LRRC56: variants seen among roughly 807,000 people sequenced by gnomAD.
LRRC56 encodes leucine-rich repeat-containing protein 56.
In LRRC56, 41 loss-of-function variants were observed where a neutral mutation model predicts 47.8. That is an observed-to-expected ratio of 0.86 (90% CI 0.67 to 1.11). The LOEUF (loss-of-function observed/expected upper bound fraction) is 1.11, where lower values mean the gene tolerates loss of function less well. Ranked by LOEUF, LRRC56 falls within the 50% of genes most tolerant of loss-of-function variation. LRRC56 has a pLI of 0.00. For missense variants in LRRC56, 759 were observed against 704.2 expected (o/e 1.08, Z -0.88); for synonymous variants, 387 against 311.2 (o/e 1.24, Z -2.56).
At position 554,013 on chromosome 11, in the gene LRRC56, C is replaced by A. The variant is rs780112322; in HGVS notation, c.1366C>A (p.Pro456Thr). ...QHLVPSPPKHPRPRDSGSSSP... is the reference protein window; with the variant it reads ...QHLVPSPPKHTRPRDSGSSSP... Reference sequence around the variant, plus strand: ...CCTGGTCCCTTCACCTCCCAAGCACCCAAGGCCACGAGATTCTGGCAGCAG... The same window carrying A: ...CCTGGTCCCTTCACCTCCCAAGCACACAAGGCCACGAGATTCTGGCAGCAG... Residue 456 changes from proline (P) to threonine (T), a missense_variant, in exon 14 of 14, where the codon CCA becomes ACA. Coordinates refer to ENST00000270115, the MANE Select transcript of LRRC56 (RefSeq NM_198075.4). The A allele has an allele frequency of 6.2e-7, 1 of 1,612,312 alleles. No homozygotes were observed. Among genetic ancestry groups the A allele is most frequent in the African/African-American group, 1.3e-5 (1 of 75,030 alleles).
chr11:514,947 C>G, the LRRC56 span, among the ~76,000 whole-genome samples: 3 of 152,212 alleles, frequency 2.0e-5, no homozygotes, highest in African/African-American at 7.2e-5. Flanking sequence ...GGCGGTGGAG[C>G]CCTTGGAACT....
intron 13 of LRRC56, 126 bp downstream of exon 13, chr11:552,828 G>A (rs1397427674): frequency 3.5e-6 from 3 of 846,680 alleles, no homozygotes; most frequent in East Asian, 5.5e-5. Flanking sequence ...GCTCTGAGAG[G>A]GACTGTAACA....
chr11:514,208 G>A, the LRRC56 span, among the ~76,000 whole-genome samples: 4 of 151,968 alleles, frequency 2.6e-5, no homozygotes, highest in East Asian at 5.8e-4. Context: ...TGGCCAGGCT[G>A]GTCTCGAACT....
upstream of LRRC56, chr11:533,666 C>G: frequency 6.2e-7 from 1 of 1,612,736 alleles, no homozygotes; most frequent in Non-Finnish European, 8.5e-7. Flanking sequence ...CAGCGGCATC[C>G]AGGACATGCG....
chr11:540,668 C>T lies in LRRC56; in HGVS notation c.-11-6C>T, dbSNP rs367887302. 4 of 1,610,586 alleles carry T rather than the reference C, an allele frequency of 2.5e-6. No individual in the cohort carries two copies. Among genetic ancestry groups the T allele is most frequent in the Non-Finnish European group, 3.4e-6 (4 of 1,178,922 alleles). The stretch of plus-strand genomic sequence containing the variant: ...GTGGAGCTTTGCACTGTGCCTCTGT[C>T]AGCAGGTGACATGTGAATGGATCTG... On this transcript the variant is annotated splice_polypyrimidine_tract_variant and splice_region_variant and intron_variant, in intron 3 of 13. Transcript: ENST00000270115.
rs1278799320 is a variant in LRRC56, at chr11:554,572, G to C, written c.*296G>C. ...GCACGGGGGTGGGGGGTGGTCACCCGAGCAGGCCTGTGAGAGGCCTCTCCT... is the reference window on the plus strand; with the variant it reads ...GCACGGGGGTGGGGGGTGGTCACCCCAGCAGGCCTGTGAGAGGCCTCTCCT... On this transcript the variant is annotated 3_prime_UTR_variant, in exon 14 of 14. Transcript: ENST00000270115. 7.2e-6 allele frequency: 3 copies of C among 419,160 alleles called. No individual in the cohort carries two copies. Among genetic ancestry groups the C allele is most frequent in the African/African-American group, 6.2e-5 (3 of 48,518 alleles). 26.0% of individuals were successfully genotyped at this position (419,160 alleles called of 1,614,324 possible).
Position 554,456 on chromosome 11 carries a change from C to T in LRRC56, c.*180C>T. The T allele has an allele frequency of 1.9e-6, 1 of 520,172 alleles. No individual in the cohort carries two copies. Among genetic ancestry groups the T allele is most frequent in the Non-Finnish European group, 3.1e-6 (1 of 321,366 alleles). 32.2% of individuals were successfully genotyped at this position (520,172 alleles called of 1,614,324 possible). ...GGACCAGCCAGGGAGGCAGCAGAGG[C>T]TGGAACCCAGTTTAGGCCCCCAACT... On this transcript the variant is annotated 3_prime_UTR_variant, in exon 14 of 14. Coordinates refer to ENST00000270115, the MANE Select transcript of LRRC56 (RefSeq NM_198075.4).
the LRRC56 span, among the ~76,000 whole-genome samples, chr11:518,441 A>G: frequency 5.3e-5 from 8 of 152,166 alleles, no homozygotes; most frequent in African/African-American, 1.7e-4. Context: ...TCGGCCTCGC[A>G]AAGTGCTTGG....
chr11:511,995 G>A, the LRRC56 span, among the ~76,000 whole-genome samples: 1 of 152,232 alleles, frequency 6.6e-6, no homozygotes, highest in Non-Finnish European at 1.5e-5. Context: ...CCAGTCAGGA[G>A]TGCAGTGGCG....
upstream of LRRC56, chr11:534,066 C>A (rs879038333): frequency 4.9e-6 from 6 of 1,215,980 alleles, no homozygotes; most frequent in Non-Finnish European, 7.2e-6. Context: ...GGTGCTGAGA[C>A]GAGGGACTCC....
At chr11:518,986 TTACGAG>T in the LRRC56 span, among the ~76,000 whole-genome samples, 4 of 151,644 alleles carry the variant, frequency 2.6e-5, no homozygotes, top group South Asian at 2.1e-4. Flanking sequence ...CGCGGCGCGC[TTACGAG>T]GGCGCGCGAG....
At chr11:528,147 A>G in the LRRC56 span, among the ~76,000 whole-genome samples, 2 of 152,140 alleles carry the variant, frequency 1.3e-5, no homozygotes, top group African/African-American at 4.8e-5. Flanking sequence ...GAAACTCTAC[A>G]TTTTTATCCA....
chr11:514,143 C>T, the LRRC56 span, among the ~76,000 whole-genome samples: 1 of 152,048 alleles, frequency 6.6e-6, no homozygotes, highest in Non-Finnish European at 1.5e-5. Context: ...AAGCACGCAC[C>T]ACCACACCCG....
chr11:542,709 C>T (rs1018924103), intron 5 of LRRC56, among the ~76,000 whole-genome samples: 1 of 151,248 alleles, frequency 6.6e-6, no homozygotes. Flanking sequence ...GGCCACTGTT[C>T]TTTTTCCTGA....
intron 5 of LRRC56, among the ~76,000 whole-genome samples, chr11:544,400 C>T (rs965942085): frequency 3.9e-5 from 6 of 152,222 alleles, no homozygotes; most frequent in African/African-American, 1.4e-4. Flanking sequence ...TGTGTGGACA[C>T]CCCTCCATGC....
At chr11:551,108 T>G in intron 8 of LRRC56, 23 bp from the exon 9 acceptor site, 151 of 555,870 alleles carry the variant, frequency 2.7e-4, no homozygotes, top group Middle Eastern at 4.9e-4. Flanking sequence ...CTGCCCTCCC[T>G]CCCCCTCCCC....
rs1353827289 is a variant in LRRC56, at chr11:550,163, T to TGGA, written c.519_521dup (p.Glu173dup). ...GTGCTGGACCTGGAGGGCAACAGCG[T>TGGA]GGAGGACCTGGGGCAGGTGCGCTAC... On this transcript the variant is annotated inframe_insertion, in exon 8 of 14. Transcript: ENST00000270115. 6.2e-7 allele frequency: 1 copy of TGGA among 1,613,364 alleles called. No individual in the cohort carries two copies. Among genetic ancestry groups the TGGA allele is most frequent in the Non-Finnish European group, 8.5e-7 (1 of 1,179,868 alleles).
At position 540,873 on chromosome 11, in the gene LRRC56, C is replaced by T. The variant is rs1309058443; in HGVS notation, c.177+12C>T. On this transcript the variant is annotated intron_variant, in intron 4 of 13. Transcript: ENST00000270115. ...CCCCTGCCCGGCTGGTGAGTGTGGG[C>T]GCTGGGGGCTGTGGCCACAGAGGCC... The T allele has an allele frequency of 2.5e-5, 38 of 1,531,840 alleles. No homozygotes were observed. Among genetic ancestry groups the T allele is most frequent in the Non-Finnish European group, 3.1e-5 (35 of 1,135,944 alleles). The allele number at this position is 1,531,840 out of a possible 1,614,324, so 94.9% of individuals were successfully genotyped here.
chr11:551,581 T>C, intron 9 of LRRC56, 70 bp from the exon 10 acceptor site: 2 of 1,488,998 alleles, frequency 1.3e-6, no homozygotes, highest in South Asian at 1.4e-5. Context: ...GGGCCCCTGG[T>C]CTGTGGACAG....
Sources: gnomAD v4.1 joint callset for allele counts (sites outside exome capture counted in the v4.1 genomes callset) on GRCh38, gnomAD v4.1.1 for gene constraint, MANE v1.5 for transcripts, NCBI Gene and HGNC (gene_info 2026-07-23, HGNC 2026-07-21) for gene names.